The following CA10 variants were observed in gnomAD, a reference collection of about 807,000 sequenced individuals.
CA10 encodes carbonic anhydrase 10 (inactive).
Under a neutral mutation model 44.2 loss-of-function variants are expected in CA10, and 14 were observed. The ratio of observed to expected loss-of-function variants is 0.32; its 90% confidence interval spans 0.21 to 0.50. The LOEUF (loss-of-function observed/expected upper bound fraction) is 0.50. CA10 is among the 20% of genes least tolerant of loss of function. The probability of loss-of-function intolerance (pLI) is 0.99; values close to 1 mark genes in which losing one functional copy is unlikely to be tolerated. For missense variants in CA10, 350 were observed against 409.7 expected (o/e 0.85, Z 1.26); for synonymous variants, 159 against 141.6 (o/e 1.12, Z -0.87).
intron 3 of CA10, among the ~76,000 whole-genome samples, chr17:51,814,571 C>T (rs1907495506): frequency 6.6e-6 from 1 of 152,124 alleles, no homozygotes; most frequent in South Asian, 2.1e-4. Context: ...AAACATATAA[C>T]CATGAAAGAG....
At chr17:51,846,612 C>T (rs1446763134) in intron 3 of CA10, among the ~76,000 whole-genome samples, 1 of 152,186 alleles carries the variant, frequency 6.6e-6, no homozygotes, top group Non-Finnish European at 1.5e-5. Flanking sequence ...CAGGCCATGC[C>T]CCTCCATATT....
At chr17:51,784,946 A>G (rs1402466584) in intron 3 of CA10, among the ~76,000 whole-genome samples, 1 of 152,186 alleles carries the variant, frequency 6.6e-6, no homozygotes, top group Non-Finnish European at 1.5e-5. Flanking sequence ...CCAGCTTTGG[A>G]AAATGATCCT....
intron 2 of CA10, among the ~76,000 whole-genome samples, chr17:52,030,469 T>A (rs140711800): frequency 0.015 from 2,297 of 152,280 alleles, 88 homozygotes; most frequent in Admixed American, 0.095. Flanking sequence ...GAATCCCACA[T>A]AAATGGAAGC....
intron 3 of CA10, among the ~76,000 whole-genome samples, chr17:51,799,770 A>G (rs374153356): frequency 2.6e-5 from 4 of 152,354 alleles, no homozygotes; most frequent in East Asian, 3.9e-4. Context: ...GAATGGTCAC[A>G]TTAATAATGA....
Position 51,902,273 on chromosome 17 carries a change from C to T in CA10, c.279+28717G>A, listed in dbSNP as rs78395461. The stretch of plus-strand genomic sequence containing the variant: ...TCCTACCATTCTCTGTTGGAGGCAC[C>T]ATAGCAGAATTCAGCAAAAGAGAAA... On this transcript the variant is annotated intron_variant, in intron 3 of 8. Transcript: ENST00000451037. 3.3e-3 allele frequency among the ~76,000 whole-genome samples: 498 copies of T among 152,130 alleles called. 3 individuals are homozygous for T. Among genetic ancestry groups the T allele is most frequent in the African/African-American group, 0.012 (487 of 41,508 alleles).
At chr17:52,053,221 A>G (rs908997202) in intron 2 of CA10, among the ~76,000 whole-genome samples, 1 of 152,014 alleles carries the variant, frequency 6.6e-6, no homozygotes, top group Admixed American at 6.6e-5. Flanking sequence ...TCCATTTCTA[A>G]CCCTCTCATT....
At chr17:52,007,421 G>A (rs1324405584) in intron 2 of CA10, among the ~76,000 whole-genome samples, 6 of 151,392 alleles carry the variant, frequency 4.0e-5, no homozygotes, top group Non-Finnish European at 7.4e-5. Context: ...TCCTTAGGTC[G>A]ATAAGAATTT....
intron 3 of CA10, among the ~76,000 whole-genome samples, chr17:51,927,521 A>C (rs568778611): frequency 1.8e-4 from 28 of 152,268 alleles, no homozygotes; most frequent in African/African-American, 6.3e-4. Flanking sequence ...TCTATATTCC[A>C]AAATAATTGA....
intron 2 of CA10, among the ~76,000 whole-genome samples, chr17:51,998,178 C>A (rs1598158967): frequency 1.3e-5 from 2 of 152,170 alleles, no homozygotes; most frequent in Admixed American, 6.5e-5. Context: ...CTTTACAGAA[C>A]CATGTCCTTT....
intron 3 of CA10, among the ~76,000 whole-genome samples, chr17:51,914,938 G>GT (rs1451235448): frequency 6.6e-6 from 1 of 152,166 alleles, no homozygotes; most frequent in Admixed American, 6.6e-5. Flanking sequence ...AAATATGTAT[G>GT]TATAAATGGC....
At chr17:51,856,456 C>A (rs910787901) in intron 3 of CA10, among the ~76,000 whole-genome samples, 1 of 152,014 alleles carries the variant, frequency 6.6e-6, no homozygotes, top group Non-Finnish European at 1.5e-5. Flanking sequence ...TATAAAAGGA[C>A]AGATAGTTGT....
intron 3 of CA10, among the ~76,000 whole-genome samples, chr17:51,826,292 T>A (rs1908005827): frequency 6.6e-6 from 1 of 152,212 alleles, no homozygotes; most frequent in South Asian, 2.1e-4. Context: ...GCAAAGTTCA[T>A]CATTGACATG....
At chr17:52,104,545 A>C (rs1323629260) in intron 1 of CA10, among the ~76,000 whole-genome samples, 1 of 152,162 alleles carries the variant, frequency 6.6e-6, no homozygotes, top group Non-Finnish European at 1.5e-5. Context: ...ACGAGGGCAC[A>C]AACAACAATA....
intron 3 of CA10, among the ~76,000 whole-genome samples, chr17:51,874,084 T>C (rs1979940347): frequency 6.6e-6 from 1 of 152,236 alleles, no homozygotes; most frequent in African/African-American, 2.4e-5. Context: ...TTAATCAGCA[T>C]GACTTGTTTT....
intron 3 of CA10, among the ~76,000 whole-genome samples, chr17:51,893,796 A>T (rs1268192653): frequency 6.6e-6 from 1 of 152,214 alleles, no homozygotes; most frequent in African/African-American, 2.4e-5. Context: ...ATGGTTATTC[A>T]GACAAAATCA....
At chr17:51,647,688 A>G (rs1913395601) in intron 6 of CA10, among the ~76,000 whole-genome samples, 1 of 152,240 alleles carries the variant, frequency 6.6e-6, no homozygotes, top group South Asian at 2.1e-4. Flanking sequence ...ATCCAAGATT[A>G]TTTGAAAACA....
chr17:51,934,945 C>T (rs936800298), intron 2 of CA10, among the ~76,000 whole-genome samples: 7 of 152,044 alleles, frequency 4.6e-5, no homozygotes, highest in African/African-American at 9.7e-5. Flanking sequence ...TGAAAACAGG[C>T]GTCCATGAAG....
intron 2 of CA10, among the ~76,000 whole-genome samples, chr17:52,031,469 G>C (rs777674441): frequency 6.6e-6 from 1 of 151,952 alleles, no homozygotes; most frequent in African/African-American, 2.4e-5. Context: ...ACTCTCCAAC[G>C]GGTAAAGCAC....
chr17:52,008,338 A>C (rs1985671715), intron 2 of CA10, among the ~76,000 whole-genome samples: 1 of 151,888 alleles, frequency 6.6e-6, no homozygotes, highest in African/African-American at 2.4e-5. Context: ...GAGATGGTTC[A>C]GAATACATGC....
Sources: allele counts gnomAD v4.1 joint callset (sites outside exome capture counted in the v4.1 genomes callset), GRCh38; gene constraint gnomAD v4.1.1; transcripts MANE v1.5; gene names NCBI Gene and HGNC (gene_info 2026-07-23, HGNC 2026-07-21).